Variants in MCAM observed in about 807,000 individuals in gnomAD.
The protein encoded by MCAM is cell surface glycoprotein MUC18.
MCAM carries 55 observed loss-of-function variants against 79.1 expected under a neutral mutation model. The observed-to-expected ratio is 0.70, with a 90% CI of 0.56 to 0.87. The LOEUF is 0.87. Among genes scored for constraint, MCAM ranks in the 40% least tolerant of loss-of-function variants. The pLI is 0.00. For missense variants in MCAM, 745 were observed against 839.8 expected, an observed-to-expected ratio of 0.89 and a Z score of 1.40; for synonymous variants, 330 against 339.8, an observed-to-expected ratio of 0.97 and a Z score of 0.32.
Position 119,315,244 on chromosome 11 carries a change from C to T in MCAM, c.87G>A (p.Glu29=), listed in dbSNP as rs750051901. 2.5e-6 allele frequency: 4 copies of T among 1,611,066 alleles called. No individual in the cohort carries two copies. Among genetic ancestry groups the T allele is most frequent in the Non-Finnish European group, 3.4e-6 (4 of 1,179,838 alleles). The stretch of plus-strand genomic sequence containing the variant: ...CCTCCACCAGCTCAGGCGCAGGCTG[C>T]TCAGCCTCTCCGGGCACACCTGGGG... ...PRVAGVPGEA[E]QPAPELVEVE... is the part of the protein sequence containing the mutation. Residue 29 remains glutamate, a synonymous_variant, in exon 2 of 16, where the codon GAG becomes GAA. Coordinates refer to ENST00000264036, the MANE Select transcript of MCAM (RefSeq NM_006500.3). The surrounding 1 kb of genome is among the most constrained non-coding windows in gnomAD (Gnocchi z 4.4).
At position 119,316,988 on chromosome 11, in the gene MCAM, A is replaced by G; in HGVS notation, c.67+47T>C. 6.7e-7 allele frequency: 1 copy of G among 1,481,606 alleles called. No homozygotes were observed. Among genetic ancestry groups the G allele is most frequent in the Non-Finnish European group, 9.0e-7 (1 of 1,105,972 alleles). The allele number at this position is 1,481,606 out of a possible 1,614,324, so 91.8% of individuals were successfully genotyped here. A position where few individuals can be genotyped will look rare whatever the true frequency, so the allele number is the denominator to read the frequency against. On this transcript the variant is annotated intron_variant, in intron 1 of 15. Coordinates refer to ENST00000264036, the MANE Select transcript of MCAM (RefSeq NM_006500.3). This position sits in a 1 kb window ranked among gnomAD's most constrained non-coding sequence, Gnocchi z 4.8. ...CTGGCTCTGCTCCCTGGCACGCTCC[A>G]CCGCAGACCCCTAGCCGGGGCGCGG...
At position 119,309,513 on chromosome 11, in the gene MCAM, G is replaced by A. The variant is rs1950194672; in HGVS notation, c.*373C>T. ...TGGATGGTGGAAGCCAGCCTTTGGG[G>A]CAGGAAACCAGCTCAGAGAGGCTAC... On this transcript the variant is annotated 3_prime_UTR_variant, in exon 16 of 16. Coordinates refer to ENST00000264036, the MANE Select transcript of MCAM (RefSeq NM_006500.3). The A allele has an allele frequency of 1.4e-5, 4 of 282,644 alleles. No individual in the cohort carries two copies. Among genetic ancestry groups the A allele is most frequent in the African/African-American group, 4.3e-5 (2 of 46,470 alleles). The allele number at this position is 282,644 out of a possible 1,614,324, so 17.5% of individuals were successfully genotyped here.
intron 15 of MCAM, 90 bp from the exon 16 acceptor site, chr11:119,310,005 A>AG: frequency 8.7e-7 from 1 of 1,153,518 alleles, no homozygotes; most frequent in Non-Finnish European, 1.3e-6. Context: ...TGGAAGCAGA[A>AG]GCCGATGAAT....
chr11:119,310,456 G>T lies in MCAM; in HGVS notation c.1804C>A (p.Pro602Thr). 1 of 1,609,802 alleles carries T rather than the reference G, an allele frequency of 6.2e-7. No individual in the cohort carries two copies. The highest frequency in any genetic ancestry group is 8.5e-7 in the Non-Finnish European group (1 of 1,176,174). Residue 602 changes from proline to threonine, a missense_variant, in exon 15 of 16, where the codon CCG (proline) becomes ACG (threonine). Transcript: ENST00000264036. ...ACTACAAGTTCGCTCTTACGAGACGGGGGTAGCGTGCTGGGAGGAGGGAGG... is the reference window on the plus strand; with the variant it reads ...ACTACAAGTTCGCTCTTACGAGACGTGGGTAGCGTGCTGGGAGGAGGGAGG... Reference protein sequence around the residue: ...RSGKQEITLPPSRKSELVVEV... With the variant: ...RSGKQEITLPTSRKSELVVEV...
chr11:119,315,583 C>G lies in MCAM; in HGVS notation c.68-320G>C, dbSNP rs975998064. 1 of 355,906 alleles carries G rather than the reference C, an allele frequency of 2.8e-6. No homozygotes were observed. Among genetic ancestry groups the G allele is most frequent in the Admixed American group, 3.9e-5 (1 of 25,852 alleles). The allele number at this position is 355,906 out of a possible 1,614,324, so 22.0% of individuals were successfully genotyped here. On this transcript the variant is annotated intron_variant, in intron 1 of 15. Coordinates refer to ENST00000264036, the MANE Select transcript of MCAM (RefSeq NM_006500.3). The surrounding 1 kb of genome is among the most constrained non-coding windows in gnomAD (Gnocchi z 4.4). ...AGAGGAAGGCCCCTTTCCTTCCAGG[C>G]CCCCTCCTCTCCGGGTGAGCTCAGA... is the stretch of plus-strand genomic sequence containing the variant.
chr11:119,314,123 T>A (rs1201897114), intron 5 of MCAM: 1 of 767,862 alleles, frequency 1.3e-6, no homozygotes, highest in East Asian at 1.2e-4. Context: ...AAAAGCTTAA[T>A]GAAAATATAA....
rs1950194937 is a variant in MCAM at position 119,309,521 on chromosome 11, C to T, written c.*365G>A. The stretch of plus-strand genomic sequence containing the variant: ...GGAAGCCAGCCTTTGGGGCAGGAAA[C>T]CAGCTCAGAGAGGCTACCCAGCTCA... On this transcript the variant is annotated 3_prime_UTR_variant, in exon 16 of 16. Coordinates refer to ENST00000264036, the MANE Select transcript of MCAM (RefSeq NM_006500.3). The T allele has an allele frequency of 3.5e-6, 1 of 288,786 alleles. No individual in the cohort carries two copies. Among genetic ancestry groups the T allele is most frequent in the Non-Finnish European group, 6.6e-6 (1 of 151,666 alleles). The allele number at this position is 288,786 out of a possible 1,614,324, so 17.9% of individuals were successfully genotyped here.
chr11:119,311,379 G>A lies in MCAM; in HGVS notation c.1450C>T (p.Leu484=). Residue 484 remains leucine (L), a synonymous_variant, in exon 12 of 16, where the codon CTG becomes TTG. Coordinates refer to ENST00000264036, the MANE Select transcript of MCAM (RefSeq NM_006500.3). The surrounding 1 kb of genome is among the most constrained non-coding windows in gnomAD (Gnocchi z 4.4). ...DQDPQRVLST[L]NVLVTPELLE... ...AGCTCCGGGGTCACGAGGACATTCA[G>A]GGTGCTCAGGACTCGCTGTGGATCT... 1.9e-6 allele frequency: 3 copies of A among 1,614,210 alleles called. No individual in the cohort carries two copies. Among genetic ancestry groups the A allele is most frequent in the Non-Finnish European group, 2.5e-6 (3 of 1,180,040 alleles).
chr11:119,315,442 G>A lies in MCAM; in HGVS notation c.68-179C>T, dbSNP rs1950299097. 2.9e-6 allele frequency: 2 copies of A among 692,208 alleles called. No homozygotes were observed. Among genetic ancestry groups the A allele is most frequent in the African/African-American group, 1.8e-5 (1 of 55,192 alleles). 42.9% of individuals were successfully genotyped at this position (692,208 alleles called of 1,614,324 possible). ...CCCCACCTGGGCCAGCCCTCTCCCC[G>A]TCCAGGAGATCCCAGGTCCTTGGAG... On this transcript the variant is annotated intron_variant, in intron 1 of 15. Coordinates refer to ENST00000264036, the MANE Select transcript of MCAM (RefSeq NM_006500.3). The surrounding 1 kb of genome is among the most constrained non-coding windows in gnomAD (Gnocchi z 4.4).
At position 119,312,792 on chromosome 11, in the gene MCAM, C is replaced by A. The variant is rs1390088837; in HGVS notation, c.717G>T (p.Arg239Ser). The change falls in exon 6 of 16, where the codon AGG (arginine) becomes AGT (serine). Residue 239 changes from arginine (R) to serine (S), a missense_variant. Physicochemically the swap from Arg to Ser is moderately radical, Grantham distance 110. Coordinates refer to ENST00000264036, the MANE Select transcript of MCAM (RefSeq NM_006500.3). This position sits in a 1 kb window ranked among gnomAD's most constrained non-coding sequence, Gnocchi z 4.9. ...CACAGAAAACAGGGACGGTGACTTC[C>A]CTGGACTCCTTCATGTGGTTCCCAC... ...LPSGNHMKES[R>S]EVTVPVFYPT... 6.2e-7 allele frequency: 1 copy of A among 1,614,064 alleles called. No homozygotes were observed. Among genetic ancestry groups the A allele is most frequent in the African/African-American group, 1.3e-5 (1 of 74,922 alleles).
In MCAM at chr11:119,312,085, G is replaced by A. The variant is rs775494064; in HGVS notation, c.1110C>T (p.Ser370=). 4.3e-6 allele frequency: 7 copies of A among 1,613,352 alleles called. No homozygotes were observed. The highest frequency in any genetic ancestry group is 5.9e-6 in the Non-Finnish European group (7 of 1,179,700). Residue 370 remains serine (S), a synonymous_variant, in exon 9 of 16, where the codon AGC becomes AGT. Coordinates refer to ENST00000264036, the MANE Select transcript of MCAM (RefSeq NM_006500.3). The surrounding 1 kb of genome is among the most constrained non-coding windows in gnomAD (Gnocchi z 4.9). ...SLTLTCEAES[S]QDLEFQWLRE... ...TCAGCCACTGGAACTCGAGGTCCTGGCTACTCTCTGCCTCACAGGTCAGGG... is the reference window on the plus strand; with the variant it reads ...TCAGCCACTGGAACTCGAGGTCCTGACTACTCTCTGCCTCACAGGTCAGGG...
At position 119,315,960 on chromosome 11, in the gene MCAM, C is replaced by T. The variant is rs145263342; in HGVS notation, c.68-697G>A. 1.2e-3 allele frequency: 184 copies of T among 152,818 alleles called. 1 individual carries two copies. Among genetic ancestry groups the T allele is most frequent in the Middle Eastern group, 6.8e-3 (2 of 296 alleles). The allele number at this position is 152,818 out of a possible 1,614,324, so 9.5% of individuals were successfully genotyped here. ...TGTCACTCGACACCATCTGCCTGGG[C>T]TCTGGGATGCCTGGGTTGTTACCTT... On this transcript the variant is annotated intron_variant, in intron 1 of 15. Transcript: ENST00000264036. The surrounding 1 kb of genome is among the most constrained non-coding windows in gnomAD (Gnocchi z 4.4).
rs1950314778 is a variant in MCAM, at chr11:119,316,731, G to C, written c.67+304C>G. 2.9e-6 allele frequency: 1 copy of C among 348,120 alleles called. No homozygotes were observed. Among genetic ancestry groups the C allele is most frequent in the Non-Finnish European group, 5.3e-6 (1 of 189,866 alleles). 21.6% of individuals were successfully genotyped at this position (348,120 alleles called of 1,614,324 possible). A position where few individuals can be genotyped will look rare whatever the true frequency, so the allele number is the denominator to read the frequency against. ...CTTCAATTGCGGGCCCCCAGAGTGA[G>C]CACCTCAGGGACCACCCACCCCCCA... is the stretch of plus-strand genomic sequence containing the variant. On this transcript the variant is annotated intron_variant, in intron 1 of 15. Coordinates refer to ENST00000264036, the MANE Select transcript of MCAM (RefSeq NM_006500.3). This position sits in a 1 kb window ranked among gnomAD's most constrained non-coding sequence, Gnocchi z 4.8.
chr11:119,310,296 G>GC, intron 15 of MCAM, 53 bp downstream of exon 15: 1 of 1,168,368 alleles, frequency 8.6e-7, no homozygotes, highest in Non-Finnish European at 1.3e-6. Context: ...AGTCCCTACT[G>GC]CCCCCGGTCC....
chr11:119,315,259 C>A lies in MCAM; in HGVS notation c.72G>T (p.Val24=). The change falls in exon 2 of 16, where the codon GTG becomes GTT. Residue 24 remains valine, a synonymous_variant. Transcript: ENST00000264036. The surrounding 1 kb of genome is among the most constrained non-coding windows in gnomAD (Gnocchi z 4.4). The part of the protein sequence containing the change: ...ACCCCPRVAG[V]PGEAEQPAPE... ...GCGCAGGCTGCTCAGCCTCTCCGGGCACACCTGGGGGAGGGAGGCGGGGCC... is the reference window on the plus strand; with the variant it reads ...GCGCAGGCTGCTCAGCCTCTCCGGGAACACCTGGGGGAGGGAGGCGGGGCC... The A allele has an allele frequency of 1.2e-6, 2 of 1,609,340 alleles. No homozygotes were observed. Among genetic ancestry groups the A allele is most frequent in the Non-Finnish European group, 1.7e-6 (2 of 1,179,632 alleles).
intron 5 of MCAM, chr11:119,313,362 C>A: frequency 8.0e-7 from 1 of 1,255,476 alleles, no homozygotes. Context: ...CCATACACCA[C>A]CACTTAGACC....
chr11:119,317,030 C>T lies in MCAM; in HGVS notation c.67+5G>A. The T allele has an allele frequency of 6.5e-7, 1 of 1,531,780 alleles. No homozygotes were observed. 94.9% of individuals were successfully genotyped at this position (1,531,780 alleles called of 1,614,324 possible). On this transcript the variant is annotated splice_donor_5th_base_variant and intron_variant, in intron 1 of 15. Transcript: ENST00000264036. This position sits in a 1 kb window ranked among gnomAD's most constrained non-coding sequence, Gnocchi z 6.2. ...GGGGCGCGGCCCCCCTGCGAGCGAA[C>T]TCACCCGCGACGCGAGGACAGCAGC...
chr11:119,313,484 A>G (rs1591285759), intron 5 of MCAM: 1 of 406,392 alleles, frequency 2.5e-6, no homozygotes, highest in East Asian at 7.6e-5. Flanking sequence ...CGCAACCTCC[A>G]CCTCCCTCCC....
rs1316818800 is a variant in MCAM at position 119,315,205 on chromosome 11, G to A, written c.126C>T (p.Ser42=). ...AGAGGCCGCACTTCAGAAGGGCTGT[G>A]CTGCCCACTTCCACCTCCACCAGCT... ...APELVEVEVG[S]TALLKCGLSQ... The change falls in exon 2 of 16, where the codon AGC becomes AGT. Residue 42 remains serine (S), a synonymous_variant. Transcript: ENST00000264036. The surrounding 1 kb of genome is among the most constrained non-coding windows in gnomAD (Gnocchi z 4.4). The A allele has an allele frequency of 6.2e-7, 1 of 1,613,044 alleles. No homozygotes were observed. Among genetic ancestry groups the A allele is most frequent in the Non-Finnish European group, 8.5e-7 (1 of 1,179,972 alleles).
Sources: gnomAD v4.1 joint callset for allele counts on GRCh38, gnomAD v4.1.1 for gene constraint, Gnocchi (gnomAD v3.1) non-coding constraint, MANE v1.5 for transcripts, NCBI Gene and HGNC (gene_info 2026-07-23, HGNC 2026-07-21) for gene names.